Variants in CD247 observed in about 807,000 individuals in gnomAD.
The protein encoded by CD247 is CD247 molecule, also known as T-cell surface glycoprotein CD3 zeta chain.
In CD247, 13 loss-of-function variants were observed where a neutral mutation model predicts 30.0. The ratio of observed to expected loss-of-function variants is 0.43; its 90% CI spans 0.28 to 0.69. The LOEUF (loss-of-function observed/expected upper bound fraction) is 0.69. CD247 is among the 30% of genes least tolerant of loss of function. The pLI is 0.16. For missense variants in CD247, 193 were observed against 212.6 expected (o/e 0.91, Z 0.57); for synonymous variants, 72 against 80.0 (o/e 0.90, Z 0.53).
At chr1:167,484,302 T>C (rs977854567) in intron 1 of CD247, among the ~76,000 whole-genome samples, 3 of 152,160 alleles carry the variant, frequency 2.0e-5, no homozygotes, top group Admixed American at 1.3e-4. Context: ...CTCTTCCCTA[T>C]AGGCTGACTG....
At chr1:167,447,899 A>G (rs1652162148) in intron 1 of CD247, among the ~76,000 whole-genome samples, 1 of 139,414 alleles carries the variant, frequency 7.2e-6, no homozygotes, top group Non-Finnish European at 1.5e-5. Context: ...TGGTGATGAC[A>G]TTGCAGGGTA....
intron 1 of CD247, among the ~76,000 whole-genome samples, chr1:167,509,759 T>G (rs532771114): frequency 2.6e-5 from 4 of 152,286 alleles, no homozygotes; most frequent in African/African-American, 7.2e-5. Context: ...ATGTCAACAG[T>G]GGGTCTGGGA....
At chr1:167,483,157 C>T (rs1335793590) in intron 1 of CD247, among the ~76,000 whole-genome samples, 1 of 151,924 alleles carries the variant, frequency 6.6e-6, no homozygotes, top group Non-Finnish European at 1.5e-5. Context: ...TATAGGCATG[C>T]GCCACCATGC....
rs140087439 is a variant in CD247, at chr1:167,434,620, G to A, written c.337-544C>T. The A allele has an allele frequency of 1.2e-3, 450 of 371,524 alleles. 2 individuals carry two copies. The highest frequency in any genetic ancestry group is 8.2e-3 in the African/African-American group (388 of 47,272). 23.0% of individuals were successfully genotyped at this position (371,524 alleles called of 1,614,324 possible). On this transcript the variant is annotated intron_variant, in intron 5 of 7. Transcript: ENST00000362089. ...ACCTTCCTATAGGGGGGTACACTCA[G>A]AAGACTTCAGCACCCAGGACAGGAG...
At chr1:167,456,728 G>C (rs902731385) in intron 1 of CD247, among the ~76,000 whole-genome samples, 2 of 152,226 alleles carry the variant, frequency 1.3e-5, no homozygotes, top group African/African-American at 4.8e-5. Flanking sequence ...TTTGCAGAAA[G>C]CCTGCTCTGT....
chr1:167,479,417 A>G (rs950245678), intron 1 of CD247, among the ~76,000 whole-genome samples: 2 of 152,196 alleles, frequency 1.3e-5, no homozygotes, highest in Non-Finnish European at 2.9e-5. Flanking sequence ...GAAGGGCCCC[A>G]TAGACCTGCT....
chr1:167,455,099 G>A (rs1327870117), intron 1 of CD247, among the ~76,000 whole-genome samples: 1 of 152,198 alleles, frequency 6.6e-6, no homozygotes, highest in Non-Finnish European at 1.5e-5. Flanking sequence ...CAAGGCACAG[G>A]GGGACGCCCC....
chr1:167,439,611 G>A, intron 2 of CD247: 2 of 596,426 alleles, frequency 3.4e-6, no homozygotes, highest in Non-Finnish European at 6.0e-6. Flanking sequence ...TCCCGCCTGT[G>A]ACACGTGCAT....
At position 167,497,804 on chromosome 1, in the gene CD247, C is replaced by T. The variant is rs373256438; in HGVS notation, c.58+20604G>A. On this transcript the variant is annotated intron_variant, in intron 1 of 7. Coordinates refer to ENST00000362089, the MANE Select transcript of CD247 (RefSeq NM_198053.3). ...CACCTACAATATCTTTCTGGCTCAG[C>T]CACCAGCTTTGTGATTCTGCCATCT... Among the ~76,000 whole-genome samples the T allele has an allele frequency of 3.3e-5, 5 of 152,322 alleles. No homozygotes were observed. In the East Asian group the frequency reaches 5.8e-4, roughly 18 times the overall value.
chr1:167,442,952 G>C (rs1651908253), intron 1 of CD247, among the ~76,000 whole-genome samples: 1 of 152,114 alleles, frequency 6.6e-6, no homozygotes. Flanking sequence ...GTGCCACCCT[G>C]TCCCTCTGCT....
At chr1:167,493,273 C>T (rs73030197) in intron 1 of CD247, among the ~76,000 whole-genome samples, 6,028 of 152,124 alleles carry the variant, frequency 0.04, 151 homozygotes, top group South Asian at 0.072. Flanking sequence ...GAACTCCTGA[C>T]TTCAGGCAAT....
intron 1 of CD247, among the ~76,000 whole-genome samples, chr1:167,444,316 C>T (rs1050829279): frequency 6.6e-6 from 1 of 152,210 alleles, no homozygotes; most frequent in African/African-American, 2.4e-5. Context: ...GGCACCGCAT[C>T]GCCACTCTCT....
chr1:167,499,217 G>A (rs1357151347), intron 1 of CD247, among the ~76,000 whole-genome samples: 1 of 152,186 alleles, frequency 6.6e-6, no homozygotes, highest in Non-Finnish European at 1.5e-5. Context: ...CTGTCATCTA[G>A]TGGGTAGAGG....
chr1:167,514,230 G>C (rs988457501), intron 1 of CD247, among the ~76,000 whole-genome samples: 2 of 152,022 alleles, frequency 1.3e-5, no homozygotes, highest in Non-Finnish European at 2.9e-5. Context: ...TCCGCCTCCC[G>C]GGTTCAAGGG....
intron 1 of CD247, among the ~76,000 whole-genome samples, chr1:167,457,963 T>C (rs1652785493): frequency 6.6e-6 from 1 of 152,214 alleles, no homozygotes; most frequent in African/African-American, 2.4e-5. Flanking sequence ...ATTAATGCCA[T>C]AAAATGAAGG....
At chr1:167,483,970 C>T (rs1397449094) in intron 1 of CD247, among the ~76,000 whole-genome samples, 1 of 152,246 alleles carries the variant, frequency 6.6e-6, no homozygotes, top group Non-Finnish European at 1.5e-5. Flanking sequence ...TGAACAGAGG[C>T]TGCCCAGACT....
chr1:167,486,294 G>A (rs1254148029), intron 1 of CD247, among the ~76,000 whole-genome samples: 2 of 152,236 alleles, frequency 1.3e-5, no homozygotes, highest in Non-Finnish European at 2.9e-5. Context: ...CCAGAGAGAG[G>A]CAACTCTGGG....
intron 1 of CD247, among the ~76,000 whole-genome samples, chr1:167,449,936 T>A (rs993382117): frequency 2.6e-5 from 4 of 152,024 alleles, no homozygotes; most frequent in Admixed American, 6.5e-5. Context: ...AAAAAAAAAA[T>A]TTCCTGAAGA....
chr1:167,440,704 A>G lies in CD247; in HGVS notation c.122T>C (p.Ile41Thr). 3.1e-6 allele frequency: 5 copies of G among 1,613,894 alleles called. No individual in the cohort carries two copies. Among genetic ancestry groups the G allele is most frequent in the Non-Finnish European group, 4.2e-6 (5 of 1,179,876 alleles). ...CAAGGCAGTGAGAATGACACCATAG[A>G]TGAAGAGGATTCCATCCAGCAGGTA... ...LCYLLDGILF[I>T]YGVILTALFL... The change falls in exon 2 of 8, where the codon ATC becomes ACC. Residue 41 changes from isoleucine to threonine, a missense_variant. Coordinates refer to ENST00000362089, the MANE Select transcript of CD247 (RefSeq NM_198053.3).
Sources: allele counts gnomAD v4.1 joint callset (sites outside exome capture counted in the v4.1 genomes callset), GRCh38; gene constraint gnomAD v4.1.1; transcripts MANE v1.5; gene names NCBI Gene and HGNC (gene_info 2026-07-23, HGNC 2026-07-21).